Variants in SORCS1 observed in about 807,000 individuals in gnomAD.
SORCS1 encodes the protein VPS10 domain-containing receptor SorCS1.
Under a neutral mutation model 146.1 loss-of-function variants are expected in SORCS1, and 60 were observed. That is an observed-to-expected ratio of 0.41 (90% CI 0.33 to 0.51). The LOEUF is 0.51. Among genes scored for constraint, SORCS1 ranks in the 20% least tolerant of loss-of-function variants. SORCS1 has a pLI of 0.21. For missense variants in SORCS1, 1,352 were observed against 1,487.6 expected (o/e 0.91, Z 1.50); for synonymous variants, 637 against 584.0 (o/e 1.09, Z -1.31).
intron 2 of SORCS1, among the ~76,000 whole-genome samples, chr10:106,952,540 T>TCA (rs1298183852): frequency 1.8e-4 from 23 of 127,004 alleles, no homozygotes; most frequent in African/African-American, 7.4e-4. Flanking sequence ...ATATGACACA[T>TCA]TATATATTAT....
At chr10:106,949,242 T>C (rs1047957903) in intron 2 of SORCS1, among the ~76,000 whole-genome samples, 1 of 152,068 alleles carries the variant, frequency 6.6e-6, no homozygotes, top group Admixed American at 6.6e-5. Flanking sequence ...ATTATTATTA[T>C]TTTTTCTTTT....
intron 1 of SORCS1, among the ~76,000 whole-genome samples, chr10:107,050,871 T>C (rs1295260025): frequency 1.3e-5 from 2 of 152,156 alleles, no homozygotes; most frequent in African/African-American, 4.8e-5. Flanking sequence ...CATCCCTCCC[T>C]CCACATCTTT....
chr10:107,151,446 G>A (rs1349215070), intron 1 of SORCS1, among the ~76,000 whole-genome samples: 2 of 151,988 alleles, frequency 1.3e-5, no homozygotes, highest in East Asian at 3.9e-4. Flanking sequence ...CACATGGCTG[G>A]GGAGATCTCA....
At chr10:106,825,850 C>G (rs761895026) in intron 3 of SORCS1, among the ~76,000 whole-genome samples, 4 of 152,120 alleles carry the variant, frequency 2.6e-5, no homozygotes, top group Non-Finnish European at 4.4e-5. Flanking sequence ...CATATATCAG[C>G]GGCCAGATGC....
At chr10:106,855,358 T>C (rs890167681) in intron 2 of SORCS1, among the ~76,000 whole-genome samples, 4 of 152,180 alleles carry the variant, frequency 2.6e-5, no homozygotes, top group African/African-American at 7.2e-5. Flanking sequence ...ATGATGGTTT[T>C]TGTGGTTGTT....
intron 5 of SORCS1, among the ~76,000 whole-genome samples, chr10:106,750,708 G>A (rs1208578600): frequency 2.6e-5 from 3 of 113,800 alleles, no homozygotes; most frequent in South Asian, 3.3e-4. Flanking sequence ...CAGACTGGGC[G>A]ACAGGGTGAG....
chr10:106,775,467 T>C (rs1015331194), intron 4 of SORCS1, among the ~76,000 whole-genome samples: 5 of 152,202 alleles, frequency 3.3e-5, no homozygotes, highest in African/African-American at 1.2e-4. Flanking sequence ...TCTTAAGAAT[T>C]TTAATTTGCT....
chr10:106,706,376 T>C (rs554729550), intron 8 of SORCS1, among the ~76,000 whole-genome samples, 169 bp downstream of exon 8: 1 of 150,960 alleles, frequency 6.6e-6, no homozygotes. Context: ...AGGAGGGTAA[T>C]AGGACTGACC....
chr10:107,152,317 A>G (rs1968873181), intron 1 of SORCS1, among the ~76,000 whole-genome samples: 1 of 152,140 alleles, frequency 6.6e-6, no homozygotes. Flanking sequence ...AGGACAGAGG[A>G]GAAGGGAAAT....
intron 2 of SORCS1, among the ~76,000 whole-genome samples, chr10:106,855,140 C>T (rs1949733749): frequency 6.6e-6 from 1 of 152,090 alleles, no homozygotes; most frequent in Non-Finnish European, 1.5e-5. Context: ...TTGCAGGGTA[C>T]AGAATTCTTG....
intron 1 of SORCS1, among the ~76,000 whole-genome samples, chr10:107,085,722 A>G (rs777238915): frequency 1.3e-5 from 2 of 152,186 alleles, no homozygotes; most frequent in Admixed American, 6.5e-5. Flanking sequence ...CACATTGAAG[A>G]TGGATCTTTA....
intron 5 of SORCS1, among the ~76,000 whole-genome samples, chr10:106,759,768 T>C (rs1858932572): frequency 6.6e-6 from 1 of 152,184 alleles, no homozygotes; most frequent in African/African-American, 2.4e-5. Context: ...TCTTCACGTA[T>C]TTCTCTTTTC....
intron 2 of SORCS1, among the ~76,000 whole-genome samples, chr10:106,929,556 C>G (rs1269187492): frequency 6.6e-6 from 1 of 152,158 alleles, no homozygotes; most frequent in Non-Finnish European, 1.5e-5. Flanking sequence ...GATTAGAGTG[C>G]TAATCAGCTT....
At chr10:106,671,717 C>T (rs1851621475) in intron 15 of SORCS1, among the ~76,000 whole-genome samples, 1 of 152,112 alleles carries the variant, frequency 6.6e-6, no homozygotes, top group Non-Finnish European at 1.5e-5. Flanking sequence ...GTTCAATTCC[C>T]CTATAATAAA....
intron 2 of SORCS1, among the ~76,000 whole-genome samples, chr10:106,844,307 T>A (rs1000050652): frequency 1.3e-5 from 2 of 152,162 alleles, no homozygotes; most frequent in East Asian, 1.9e-4. Context: ...ATGCAGAAAC[T>A]TTTTTGATTA....
chr10:107,049,456 C>A (rs1008906499), intron 1 of SORCS1, among the ~76,000 whole-genome samples: 3 of 152,212 alleles, frequency 2.0e-5, no homozygotes, highest in East Asian at 3.9e-4. Context: ...GTGAGCTCTG[C>A]TGCCTGAACC....
intron 1 of SORCS1, among the ~76,000 whole-genome samples, chr10:106,988,238 A>G (rs936622509): frequency 6.6e-6 from 1 of 152,230 alleles, no homozygotes; most frequent in Non-Finnish European, 1.5e-5. Context: ...GGAGCAAAGG[A>G]ATCTAGCCAC....
intron 24 of SORCS1, among the ~76,000 whole-genome samples, chr10:106,588,166 C>T (rs1428975170): frequency 2.0e-5 from 3 of 152,222 alleles, no homozygotes; most frequent in Non-Finnish European, 4.4e-5. Flanking sequence ...CATGTTTCAA[C>T]TGCTTCATGG....
chr10:106,829,564 C>T lies in SORCS1; in HGVS notation c.726+10G>A, dbSNP rs770471819. ...ATGAATGAGTAGCATGCTGAATATACATTTCTTACCTTACGCTTGTTGGTA... is the reference window on the plus strand; with the variant it reads ...ATGAATGAGTAGCATGCTGAATATATATTTCTTACCTTACGCTTGTTGGTA... On this transcript the variant is annotated intron_variant, in intron 3 of 25. Transcript: ENST00000263054. 1.3e-6 allele frequency: 2 copies of T among 1,570,986 alleles called. No homozygotes were observed. The highest frequency in any genetic ancestry group is 2.3e-5 in the East Asian group (1 of 44,054).
Sources: allele counts gnomAD v4.1 joint callset (sites outside exome capture counted in the v4.1 genomes callset), GRCh38; gene constraint gnomAD v4.1.1; transcripts MANE v1.5; gene names NCBI Gene and HGNC (gene_info 2026-07-23, HGNC 2026-07-21).